Variants in BTBD10 observed in about 807,000 individuals in gnomAD.
BTBD10 encodes the protein BTB domain containing 10, also known as BTB/POZ domain-containing protein 10.
In BTBD10, 21 loss-of-function variants were observed where a neutral mutation model predicts 53.2. The ratio of observed to expected loss-of-function variants is 0.39; its 90% CI spans 0.28 to 0.57. The LOEUF (loss-of-function observed/expected upper bound fraction) is 0.57. Ranked by LOEUF, BTBD10 falls within the 20% of genes least tolerant of loss-of-function variation. The pLI is 0.53. For synonymous variants in BTBD10, 149 were observed against 192.7 expected (o/e 0.77, Z 1.88); for missense variants, 360 against 594.7 (o/e 0.61, Z 4.10).
chr11:13,411,391 TTTACTTTTGGA>T (rs1226835998), intron 6 of BTBD10, among the ~76,000 whole-genome samples: 1 of 152,180 alleles, frequency 6.6e-6, no homozygotes, highest in African/African-American at 2.4e-5. Context: ...AGAAAAAAAA[TTTACTTTTGGA>T]TTAAAGTCTA....
intron 4 of BTBD10, among the ~76,000 whole-genome samples, chr11:13,418,990 TTA>T (rs1491078550): frequency 1.2e-4 from 18 of 148,244 alleles, no homozygotes; most frequent in Admixed American, 3.4e-4. Flanking sequence ...TTTTTTTTTT[TTA>T]AAAGTATCTA....
intron 8 of BTBD10, among the ~76,000 whole-genome samples, chr11:13,398,505 G>T (rs1591093394): frequency 6.6e-6 from 1 of 152,282 alleles, no homozygotes; most frequent in East Asian, 1.9e-4. Flanking sequence ...CAATTTGCCA[G>T]TCTGTGTCTT....
chr11:13,406,479 C>A (rs949639119), intron 6 of BTBD10, among the ~76,000 whole-genome samples: 1 of 151,934 alleles, frequency 6.6e-6, no homozygotes, highest in African/African-American at 2.4e-5. Flanking sequence ...ACTGAAGATG[C>A]CAACATCTCA....
chr11:13,456,142 T>C (rs1225158341), intron 1 of BTBD10, among the ~76,000 whole-genome samples: 7 of 152,202 alleles, frequency 4.6e-5, no homozygotes, highest in African/African-American at 1.7e-4. Flanking sequence ...TAGGTAGCAT[T>C]CCACTTTAAT....
intron 2 of BTBD10, among the ~76,000 whole-genome samples, chr11:13,427,729 A>G (rs978229210): frequency 6.6e-6 from 1 of 152,224 alleles, no homozygotes; most frequent in Non-Finnish European, 1.5e-5. Context: ...TTTGGGCAAT[A>G]AAACAAGTAT....
chr11:13,414,677 AAAG>A (rs1230954073), intron 5 of BTBD10, among the ~76,000 whole-genome samples: 1 of 151,102 alleles, frequency 6.6e-6, no homozygotes, highest in East Asian at 2.0e-4. Flanking sequence ...TAAAAAAAAA[AAAG>A]AATACAAAAA....
rs1459914836 is a variant in BTBD10, at chr11:13,445,086, A to T, written c.39T>A (p.Ser13Arg). ...ATTTCCGATCCCAATTCTCTGGATCACTGGAGTTACCATCATAGGGATGAG... is the reference window on the plus strand; with the variant it reads ...ATTTCCGATCCCAATTCTCTGGATCTCTGGAGTTACCATCATAGGGATGAG... ...GRPHPYDGNS[S>R]DPENWDRKLH... Residue 13 changes from serine to arginine, a missense_variant, in exon 2 of 9, where the codon AGT (serine) becomes AGA (arginine). Physicochemically the swap from Ser to Arg is moderately radical, Grantham distance 110. Transcript: ENST00000278174. 1.2e-6 allele frequency: 2 copies of T among 1,613,414 alleles called. No homozygotes were observed. The highest frequency in any genetic ancestry group is 1.7e-6 in the Non-Finnish European group (2 of 1,179,496).
At chr11:13,402,738 A>G (rs1252871492) in intron 8 of BTBD10, among the ~76,000 whole-genome samples, 1 of 152,224 alleles carries the variant, frequency 6.6e-6, no homozygotes, top group East Asian at 1.9e-4. Context: ...ATACTTTAAG[A>G]CATAAGTAAG....
intron 2 of BTBD10, among the ~76,000 whole-genome samples, chr11:13,429,069 C>T (rs945568204): frequency 1.3e-5 from 2 of 151,984 alleles, no homozygotes; most frequent in South Asian, 4.1e-4. Flanking sequence ...ATGTGAAAAA[C>T]TCACACATTG....
intron 2 of BTBD10, among the ~76,000 whole-genome samples, chr11:13,438,201 AG>A (rs2134015627): frequency 6.6e-6 from 1 of 152,086 alleles, no homozygotes; most frequent in Non-Finnish European, 1.5e-5. Flanking sequence ...CTGAAGTCTC[AG>A]TTCATCTGAG....
chr11:13,417,315 AAAATAGAT>A (rs1950138200), intron 4 of BTBD10, 55 bp from the exon 5 acceptor site: 12 of 1,276,160 alleles, frequency 9.4e-6, no homozygotes, highest in Non-Finnish European at 1.2e-5. Flanking sequence ...TTCAAAAGGG[AAAATAGAT>A]TTCATGTACA....
intron 8 of BTBD10, among the ~76,000 whole-genome samples, chr11:13,391,685 A>G (rs1244837303): frequency 6.6e-6 from 1 of 152,182 alleles, no homozygotes; most frequent in East Asian, 1.9e-4. Context: ...CTTTAAAAAT[A>G]AAGTAAAATC....
intron 6 of BTBD10, among the ~76,000 whole-genome samples, chr11:13,406,762 T>C (rs1213415414): frequency 6.7e-6 from 1 of 150,024 alleles, no homozygotes; most frequent in Non-Finnish European, 1.5e-5. Context: ...TCTATAATTA[T>C]ATATTATATA....
intron 1 of BTBD10, among the ~76,000 whole-genome samples, chr11:13,454,364 T>C (rs1479088517): frequency 6.6e-6 from 1 of 152,178 alleles, no homozygotes; most frequent in Non-Finnish European, 1.5e-5. Flanking sequence ...TTTCAAGCTA[T>C]TACCAAACAA....
chr11:13,418,100 CAGT>C (rs971983825), intron 4 of BTBD10, among the ~76,000 whole-genome samples: 14 of 152,126 alleles, frequency 9.2e-5, no homozygotes, highest in Admixed American at 2.0e-4. Flanking sequence ...GTTTTCTACT[CAGT>C]AGTTTCCTAA....
At position 13,405,915 on chromosome 11, in the gene BTBD10, G is replaced by T. The variant is rs528358316; in HGVS notation, c.809-59C>A. ...ACTTTTCCTAAAAAGAGTTCTTTTA[G>T]AAATATAGACTCTTATAACAAGAAA... On this transcript the variant is annotated intron_variant, in intron 6 of 8. Coordinates refer to ENST00000278174, the MANE Select transcript of BTBD10 (RefSeq NM_032320.7). 7.9e-6 allele frequency: 12 copies of T among 1,526,094 alleles called. No homozygotes were observed. In the Admixed American group the frequency reaches 1.4e-4, roughly 18 times the overall value. 94.5% of individuals were successfully genotyped at this position (1,526,094 alleles called of 1,614,324 possible). A position where few individuals can be genotyped will look rare whatever the true frequency, so the allele number is the denominator to read the frequency against.
chr11:13,413,702 C>A, intron 5 of BTBD10, 52 bp from the exon 6 acceptor site: 1 of 1,509,282 alleles, frequency 6.6e-7, no homozygotes, highest in Non-Finnish European at 8.9e-7. Flanking sequence ...ATAAGGTAGC[C>A]AAAACTTATT....
chr11:13,390,787 C>T (rs1565224557), intron 8 of BTBD10, among the ~76,000 whole-genome samples: 2 of 152,214 alleles, frequency 1.3e-5, no homozygotes. Context: ...TAAGGGAATG[C>T]ATGTAGGCAT....
At chr11:13,435,649 C>T (rs1282236902) in intron 2 of BTBD10, among the ~76,000 whole-genome samples, 1 of 152,158 alleles carries the variant, frequency 6.6e-6, no homozygotes, top group African/African-American at 2.4e-5. Context: ...CCTGCCACCA[C>T]ACCTGGCTAA....
Sources: gnomAD v4.1 joint callset for allele counts (sites outside exome capture counted in the v4.1 genomes callset) on GRCh38, gnomAD v4.1.1 for gene constraint, MANE v1.5 for transcripts, NCBI Gene and HGNC (gene_info 2026-07-23, HGNC 2026-07-21) for gene names.